Variants in PGBD5 observed in about 807,000 individuals in gnomAD.
PGBD5 encodes the protein piggyBac transposable element-derived protein 5.
In PGBD5, 14 loss-of-function variants were observed where a neutral mutation model predicts 47.9. That is an observed-to-expected ratio of 0.29 (90% CI 0.19 to 0.46). PGBD5 has a LOEUF of 0.46. PGBD5 is among the 20% of genes least tolerant of loss of function. PGBD5 has a pLI of 1.00. For missense variants in PGBD5, 635 were observed against 716.0 expected (o/e 0.89, Z 1.29); for synonymous variants, 316 against 306.3 (o/e 1.03, Z -0.33).
rs1245632626 is a variant in PGBD5 at position 230,372,155 on chromosome 1, A to C, written c.332-14834T>G. ...TGCATTTCTAATGTCATCAGCCCAG[A>C]AAAGAACAAGCTGAAGGTGTTTATG... On this transcript the variant is annotated intron_variant, in intron 1 of 6. Coordinates refer to ENST00000391860, the MANE Select transcript of PGBD5 (RefSeq NM_001258311.2). 2.0e-5 allele frequency among the ~76,000 whole-genome samples: 3 copies of C among 152,214 alleles called. No individual in the cohort carries two copies. In the East Asian group the frequency reaches 5.8e-4, roughly 29 times the overall value.
chr1:230,388,859 C>A (rs990352652), intron 1 of PGBD5, among the ~76,000 whole-genome samples: 5 of 152,196 alleles, frequency 3.3e-5, no homozygotes, highest in Non-Finnish European at 7.3e-5. Flanking sequence ...CTGCTAGCAC[C>A]TTGGGCTCTG....
At chr1:230,348,708 T>G (rs1334404074) in intron 3 of PGBD5, among the ~76,000 whole-genome samples, 1 of 152,254 alleles carries the variant, frequency 6.6e-6, no homozygotes, top group African/African-American at 2.4e-5. Context: ...CTACGTCTCC[T>G]GGCCCCTCAC....
intron 1 of PGBD5, among the ~76,000 whole-genome samples, chr1:230,364,677 T>A (rs1667799773): frequency 6.6e-6 from 1 of 152,284 alleles, no homozygotes; most frequent in Non-Finnish European, 1.5e-5. Context: ...GCTGAAGTTG[T>A]TCACAGGAAA....
At chr1:230,391,968 G>A (rs1656795694) in intron 1 of PGBD5, among the ~76,000 whole-genome samples, 1 of 152,174 alleles carries the variant, frequency 6.6e-6, no homozygotes, top group African/African-American at 2.4e-5. Flanking sequence ...GTCCTGCTGG[G>A]CGTTTGCTCA....
Position 230,355,641 on chromosome 1 carries a change from C to T in PGBD5, c.759+1253G>A, listed in dbSNP as rs910541664. Among the ~76,000 whole-genome samples the T allele has an allele frequency of 2.6e-5, 4 of 152,214 alleles. No individual in the cohort carries two copies. In the South Asian group the frequency reaches 6.2e-4, roughly 24 times the overall value. ...TCTTGTTAGGAAGGTAAATGACACA[C>T]TGGAGGATGAGGCGCAGTGGCATCT... On this transcript the variant is annotated intron_variant, in intron 2 of 6. Coordinates refer to ENST00000391860, the MANE Select transcript of PGBD5 (RefSeq NM_001258311.2).
chr1:230,365,073 G>A (rs1408126886), intron 1 of PGBD5, among the ~76,000 whole-genome samples: 2 of 149,382 alleles, frequency 1.3e-5, no homozygotes, highest in Non-Finnish European at 3.0e-5. Flanking sequence ...CAGCACTTTG[G>A]GAGGCCAAGG....
intron 1 of PGBD5, among the ~76,000 whole-genome samples, chr1:230,379,650 T>C (rs1366327615): frequency 1.3e-5 from 2 of 152,210 alleles, no homozygotes; most frequent in Non-Finnish European, 2.9e-5. Context: ...CACACACTCA[T>C]TCCTACTTCA....
At chr1:230,367,398 T>G (rs573404856) in intron 1 of PGBD5, among the ~76,000 whole-genome samples, 1 of 152,202 alleles carries the variant, frequency 6.6e-6, no homozygotes, top group East Asian at 1.9e-4. Flanking sequence ...TAGGGAGCAA[T>G]CTGAGTGATA....
At chr1:230,391,949 G>A (rs953268134) in intron 1 of PGBD5, among the ~76,000 whole-genome samples, 6 of 152,112 alleles carry the variant, frequency 3.9e-5, no homozygotes, top group Admixed American at 1.3e-4. Context: ...AAGGGAGCCC[G>A]ACACAGGAGT....
Position 230,357,384 on chromosome 1 carries a change from G to A in PGBD5, c.332-63C>T. 1 of 1,539,174 alleles carries A rather than the reference G, an allele frequency of 6.5e-7. No homozygotes were observed. Among genetic ancestry groups the A allele is most frequent in the South Asian group, 1.2e-5 (1 of 81,600 alleles). ...GCCGCCACACCCTGACTCGACACGA[G>A]AACGGCTGCATTTCCAATCCCTGGG... On this transcript the variant is annotated intron_variant, in intron 1 of 6. Transcript: ENST00000391860. The surrounding 1 kb of genome is among the most constrained non-coding windows in gnomAD (Gnocchi z 5.7).
chr1:230,375,661 T>G (rs1326297844), intron 1 of PGBD5, among the ~76,000 whole-genome samples: 2 of 79,184 alleles, frequency 2.5e-5, no homozygotes, highest in Non-Finnish European at 7.5e-5. Context: ...ACTTTTTTTT[T>G]TTTTTTTTTT....
chr1:230,365,913 G>A (rs1199515301), intron 1 of PGBD5, among the ~76,000 whole-genome samples: 1 of 152,208 alleles, frequency 6.6e-6, no homozygotes, highest in African/African-American at 2.4e-5. Flanking sequence ...TACCCCTTCA[G>A]CCAGATCTGG....
chr1:230,335,676 GATACAGAC>G (rs1395719030), intron 4 of PGBD5, among the ~76,000 whole-genome samples: 1 of 568 alleles, frequency 1.8e-3, no homozygotes, highest in Admixed American at 0.024. Context: ...CAGATACACA[GATACAGAC>G]ACACAGACAC....
intron 1 of PGBD5, among the ~76,000 whole-genome samples, chr1:230,381,312 A>G (rs956762203): frequency 6.6e-5 from 10 of 152,224 alleles, no homozygotes; most frequent in African/African-American, 2.2e-4. Flanking sequence ...ACAGACTGGC[A>G]TCCCAGGCAA....
chr1:230,370,923 T>C (rs114499042), intron 1 of PGBD5, among the ~76,000 whole-genome samples: 1,951 of 152,202 alleles, frequency 0.013, 34 homozygotes, highest in African/African-American at 0.044. Flanking sequence ...ACAGACGGAG[T>C]AGGCACTCAA....
rs1274162012 is a variant in PGBD5 at position 230,321,349 on chromosome 1, TG to T, written c.*2075del. Reference sequence around the variant, plus strand: ...AGCCTGTATTTTTGTTCCTTCACCTTGTTTTTTTTCTTGATACAGGGTCTGG... The same window carrying T: ...AGCCTGTATTTTTGTTCCTTCACCTTTTTTTTTTCTTGATACAGGGTCTGG... On this transcript the variant is annotated 3_prime_UTR_variant, in exon 7 of 7. Coordinates refer to ENST00000391860, the MANE Select transcript of PGBD5 (RefSeq NM_001258311.2). The T allele has an allele frequency of 5.3e-5, 8 of 152,216 alleles. No individual in the cohort carries two copies. Among genetic ancestry groups the T allele is most frequent in the African/African-American group, 1.9e-4 (8 of 41,458 alleles). The allele number at this position is 152,216 out of a possible 1,614,324, so 9.4% of individuals were successfully genotyped here.
At chr1:230,347,452 C>G (rs543906908) in intron 3 of PGBD5, among the ~76,000 whole-genome samples, 1 of 150,208 alleles carries the variant, frequency 6.7e-6, no homozygotes, top group African/African-American at 2.4e-5. Flanking sequence ...TCTCGGGGCA[C>G]AGCAATCATT....
At chr1:230,414,870 C>T (rs568322274) in intron 1 of PGBD5, among the ~76,000 whole-genome samples, 1 of 152,198 alleles carries the variant, frequency 6.6e-6, no homozygotes, top group African/African-American at 2.4e-5. Context: ...CAGAACCTCA[C>T]GTCTTCATGT....
rs975736441 is a variant in PGBD5, at chr1:230,414,096, T to C, written c.331+11502A>G. 3.9e-5 allele frequency among the ~76,000 whole-genome samples: 6 copies of C among 152,272 alleles called. No individual in the cohort carries two copies. In the East Asian group the frequency reaches 1.2e-3, roughly 29 times the overall value. On this transcript the variant is annotated intron_variant, in intron 1 of 6. Coordinates refer to ENST00000391860, the MANE Select transcript of PGBD5 (RefSeq NM_001258311.2). ...GGTTAGTCGTTTGGGATTACGAACA[T>C]TGGATCACTCTTAGGAGCCCACCAG...
Sources: gnomAD v4.1 joint callset for allele counts (sites outside exome capture counted in the v4.1 genomes callset) on GRCh38, gnomAD v4.1.1 for gene constraint, Gnocchi (gnomAD v3.1) non-coding constraint, MANE v1.5 for transcripts, NCBI Gene and HGNC (gene_info 2026-07-23, HGNC 2026-07-21) for gene names.